The following CMIP variants were observed in gnomAD, a reference collection of about 807,000 sequenced individuals.
CMIP encodes the protein c-Maf inducing protein.
Under a neutral mutation model 97.3 loss-of-function variants are expected in CMIP, and 13 were observed. That is an observed-to-expected ratio of 0.13 (90% confidence interval 0.09 to 0.21). CMIP has a LOEUF of 0.21. Ranked by LOEUF, CMIP falls within the 10% of genes least tolerant of loss-of-function variation. CMIP has a pLI of 1.00. For synonymous variants in CMIP, 538 were observed against 436.3 expected (o/e 1.23, Z -2.91); for missense variants, 847 against 1,024.9 (o/e 0.83, Z 2.37).
chr16:81,622,740 C>G (rs1479229476), intron 3 of CMIP, among the ~76,000 whole-genome samples: 1 of 152,210 alleles, frequency 6.6e-6, no homozygotes, highest in Non-Finnish European at 1.5e-5. Context: ...CTGCCTTTCC[C>G]TGGTCCACAT....
At chr16:81,580,087 C>A (rs2091270216) in intron 1 of CMIP, among the ~76,000 whole-genome samples, 1 of 152,226 alleles carries the variant, frequency 6.6e-6, no homozygotes, top group Admixed American at 6.5e-5. Flanking sequence ...TCTTGGGGCT[C>A]CCAAGAGTTC....
chr16:81,656,496 C>G (rs2092483889), intron 4 of CMIP, among the ~76,000 whole-genome samples: 1 of 152,214 alleles, frequency 6.6e-6, no homozygotes, highest in Non-Finnish European at 1.5e-5. Context: ...CACCACGAAA[C>G]TAGCAAGAAA....
intron 1 of CMIP, among the ~76,000 whole-genome samples, chr16:81,460,474 T>G (rs1186426976): frequency 1.3e-5 from 2 of 152,178 alleles, no homozygotes; most frequent in African/African-American, 4.8e-5. Flanking sequence ...TGTCCTGGTT[T>G]GCCCAGGACT....
At chr16:81,573,645 G>C (rs191143924) in intron 1 of CMIP, among the ~76,000 whole-genome samples, 1 of 152,284 alleles carries the variant, frequency 6.6e-6, no homozygotes, top group East Asian at 1.9e-4. Flanking sequence ...GGTTGGGGGA[G>C]GGGGAGGTCT....
chr16:81,465,921 G>A (rs573236223), intron 1 of CMIP, among the ~76,000 whole-genome samples: 479 of 152,378 alleles, frequency 3.1e-3, no homozygotes, highest in African/African-American at 0.011. Flanking sequence ...GAACACCTTC[G>A]TTCCAGTCGG....
intron 4 of CMIP, among the ~76,000 whole-genome samples, chr16:81,656,289 A>G (rs1180813488): frequency 6.6e-6 from 1 of 152,232 alleles, no homozygotes; most frequent in Non-Finnish European, 1.5e-5. Context: ...GCTTCTGTAA[A>G]CACATTAGAT....
chr16:81,633,520 G>T (rs1418002882), intron 3 of CMIP, among the ~76,000 whole-genome samples: 1 of 152,266 alleles, frequency 6.6e-6, no homozygotes, highest in Non-Finnish European at 1.5e-5. Context: ...GGAAGGGAAG[G>T]TGTTTGGGAG....
At position 81,445,648 on chromosome 16, in the gene CMIP, G is replaced by C. The variant is rs1484575263; in HGVS notation, c.300+107G>C. 5.5e-6 allele frequency: 7 copies of C among 1,268,114 alleles called. No individual in the cohort carries two copies. The Admixed American group carries it at 1.8e-4, about 32-fold the overall frequency. 78.6% of individuals were successfully genotyped at this position (1,268,114 alleles called of 1,614,324 possible). On this transcript the variant is annotated intron_variant, in intron 1 of 20. Transcript: ENST00000537098. The stretch of plus-strand genomic sequence containing the variant: ...CCTGGAGCCCAGGGCCTGGGGGGCG[G>C]TGGGGGGTGCCGGGGGAACGGGGAG...
chr16:81,625,284 G>A (rs1451156604), intron 3 of CMIP, among the ~76,000 whole-genome samples: 1 of 152,286 alleles, frequency 6.6e-6, no homozygotes, highest in African/African-American at 2.4e-5. Flanking sequence ...AGAAGCTGCA[G>A]TCCTGAGGGC....
chr16:81,537,729 G>C (rs1370512063), intron 1 of CMIP, among the ~76,000 whole-genome samples: 1 of 127,480 alleles, frequency 7.8e-6, no homozygotes, highest in East Asian at 2.6e-4. Context: ...GAAAAGAAAT[G>C]CCCCAAATGG....
At chr16:81,563,178 C>T (rs1476510749) in intron 1 of CMIP, among the ~76,000 whole-genome samples, 1 of 152,216 alleles carries the variant, frequency 6.6e-6, no homozygotes, top group Non-Finnish European at 1.5e-5. Context: ...GAAAAGGTGT[C>T]TACAGGCGAG....
At position 81,660,907 on chromosome 16, in the gene CMIP, C is replaced by T; in HGVS notation, c.705C>T (p.Asn235=). 6.2e-7 allele frequency: 1 copy of T among 1,613,986 alleles called. No homozygotes were observed. The highest frequency in any genetic ancestry group is 8.5e-7 in the Non-Finnish European group (1 of 1,179,892). The change falls in exon 6 of 21, where the codon AAC becomes AAT. Residue 235 remains asparagine (N), a synonymous_variant. Transcript: ENST00000537098. ...IIVAIAPLLE[N]NHPPPDLCEF... Reference sequence around the variant, plus strand: ...AGGCAATCGCTCCTTTGCTGGAAAACAACCACCCACCACCAGATCTCTGTG... The same window carrying T: ...AGGCAATCGCTCCTTTGCTGGAAAATAACCACCCACCACCAGATCTCTGTG...
At chr16:81,482,843 T>C (rs1043794038) in intron 1 of CMIP, among the ~76,000 whole-genome samples, 3 of 152,200 alleles carry the variant, frequency 2.0e-5, no homozygotes, top group African/African-American at 7.2e-5. Flanking sequence ...AGGGCCTGAC[T>C]CACAGGGTCA....
At position 81,702,613 on chromosome 16, in the gene CMIP, C is replaced by G. The variant is rs762872119; in HGVS notation, c.1897-9C>G. 6.2e-7 allele frequency: 1 copy of G among 1,613,062 alleles called. No individual in the cohort carries two copies. Among genetic ancestry groups the G allele is most frequent in the South Asian group, 1.1e-5 (1 of 90,864 alleles). On this transcript the variant is annotated splice_polypyrimidine_tract_variant and intron_variant, in intron 16 of 20. Coordinates refer to ENST00000537098, the MANE Select transcript of CMIP (RefSeq NM_198390.3). ...AGAATGGTTGTAACCAGCCTGGTTTCTGTTGCAGCAAAGGAAAGGCGGGCC... is the reference window on the plus strand; with the variant it reads ...AGAATGGTTGTAACCAGCCTGGTTTGTGTTGCAGCAAAGGAAAGGCGGGCC...
intron 1 of CMIP, among the ~76,000 whole-genome samples, chr16:81,569,089 A>G (rs1047937515): frequency 3.3e-5 from 5 of 152,200 alleles, no homozygotes; most frequent in African/African-American, 1.2e-4. Flanking sequence ...AGGCATCTGT[A>G]GCACCCTTAT....
At chr16:81,617,134 G>A (rs560690354) in intron 2 of CMIP, 1 of 152,392 alleles carries the variant, frequency 6.6e-6, no homozygotes, top group African/African-American at 2.4e-5. Flanking sequence ...AATGCCTACG[G>A]GGCAAACACA....
chr16:81,692,839 C>A (rs1163555429), intron 11 of CMIP, among the ~76,000 whole-genome samples: 2 of 152,192 alleles, frequency 1.3e-5, no homozygotes, highest in Admixed American at 6.5e-5. Context: ...AATGAACACA[C>A]CTGGGTCTCC....
At chr16:81,534,203 C>A (rs1290958029) in intron 1 of CMIP, among the ~76,000 whole-genome samples, 2 of 152,230 alleles carry the variant, frequency 1.3e-5, no homozygotes, top group Non-Finnish European at 2.9e-5. Context: ...CACACATACC[C>A]AATAGCAGTG....
At chr16:81,639,738 G>A (rs928409766) in intron 3 of CMIP, among the ~76,000 whole-genome samples, 7 of 152,112 alleles carry the variant, frequency 4.6e-5, no homozygotes, top group African/African-American at 9.7e-5. Flanking sequence ...TAAATATACC[G>A]GCGCTCAAAA....
Sources: allele counts gnomAD v4.1 joint callset (sites outside exome capture counted in the v4.1 genomes callset), GRCh38; gene constraint gnomAD v4.1.1; transcripts MANE v1.5; gene names NCBI Gene and HGNC (gene_info 2026-07-23, HGNC 2026-07-21).